The following CTNNA2 variants were observed in gnomAD, a reference collection of about 807,000 sequenced individuals.
CTNNA2 encodes catenin alpha 2, also known as catenin alpha-2.
In CTNNA2, 42 loss-of-function variants were observed where a neutral mutation model predicts 101.0. The observed-to-expected ratio is 0.42, with a 90% confidence interval of 0.32 to 0.54. The LOEUF (loss-of-function observed/expected upper bound fraction) is 0.54. CTNNA2 is among the 20% of genes least tolerant of loss of function. CTNNA2 has a pLI of 0.14. For missense variants in CTNNA2, 871 were observed against 1,223.1 expected, an observed-to-expected ratio of 0.71 and a Z score of 4.29; for synonymous variants, 450 against 456.4, an observed-to-expected ratio of 0.99 and a Z score of 0.18.
chr2:80,076,890 C>T (rs1205273016), intron 7 of CTNNA2, among the ~76,000 whole-genome samples: 1 of 145,026 alleles, frequency 6.9e-6, no homozygotes, highest in African/African-American at 2.5e-5. Flanking sequence ...CTAAAAAATA[C>T]AAAAAAAAAA....
intron 7 of CTNNA2, among the ~76,000 whole-genome samples, chr2:80,006,017 C>T (rs545816523): frequency 1.3e-5 from 2 of 152,038 alleles, no homozygotes; most frequent in South Asian, 2.1e-4. Flanking sequence ...TTTCCATAAT[C>T]CATTGCTATT....
rs1010010837 is a variant in CTNNA2, at chr2:79,473,630, A to G, written c.-134-31424A>G. Reference sequence around the variant, plus strand: ...TTAATGTAATGAAAGGAAAAAGTCAATCAAGGATTCTATATCTAGCAAATA... The same window carrying G: ...TTAATGTAATGAAAGGAAAAAGTCAGTCAAGGATTCTATATCTAGCAAATA... On this transcript the variant is annotated intron_variant, in intron 4 of 21. Coordinates refer to the CTNNA2 transcript ENST00000466387. 4.6e-5 allele frequency among the ~76,000 whole-genome samples: 7 copies of G among 152,220 alleles called. No homozygotes were observed. In the South Asian group the frequency reaches 1.2e-3, roughly 27 times the overall value.
intron 7 of CTNNA2, among the ~76,000 whole-genome samples, chr2:80,206,147 T>G (rs897483060): frequency 6.6e-6 from 1 of 152,216 alleles, no homozygotes; most frequent in African/African-American, 2.4e-5. Context: ...GGAAATCTAT[T>G]ATTATTTTTG....
chr2:79,826,639 T>A (rs565754022), intron 3 of CTNNA2, among the ~76,000 whole-genome samples: 1 of 152,218 alleles, frequency 6.6e-6, no homozygotes, highest in Non-Finnish European at 1.5e-5. Flanking sequence ...AAAATGTATG[T>A]ATGTTTGCAT....
chr2:79,946,046 C>G (rs1026157510), intron 7 of CTNNA2, among the ~76,000 whole-genome samples: 2 of 152,076 alleles, frequency 1.3e-5, no homozygotes, highest in East Asian at 3.9e-4. Flanking sequence ...AAAGAATATT[C>G]TAGGCAGAAG....
At chr2:80,521,355 A>G (rs1397617408) in intron 9 of CTNNA2, among the ~76,000 whole-genome samples, 1 of 152,174 alleles carries the variant, frequency 6.6e-6, no homozygotes, top group Admixed American at 6.5e-5. Flanking sequence ...TAACTCTTAC[A>G]TGGAACTCTA....
chr2:79,323,679 C>G (rs1032871650), intron 3 of CTNNA2, among the ~76,000 whole-genome samples: 1 of 152,130 alleles, frequency 6.6e-6, no homozygotes, highest in Admixed American at 6.6e-5. Flanking sequence ...TGGTTCTTCC[C>G]TTTTTAGTGA....
chr2:79,795,687 A>G (rs948260855), intron 3 of CTNNA2, among the ~76,000 whole-genome samples: 1 of 152,202 alleles, frequency 6.6e-6, no homozygotes, highest in Non-Finnish European at 1.5e-5. Context: ...TTAAGAATAT[A>G]GTGAATTTAA....
At chr2:80,624,465 T>C (rs1019873890) in intron 18 of CTNNA2, among the ~76,000 whole-genome samples, 17 of 151,954 alleles carry the variant, frequency 1.1e-4, no homozygotes, top group Non-Finnish European at 2.4e-4. Context: ...GTTAGAGAAG[T>C]GGTAAAAGAC....
intron 7 of CTNNA2, among the ~76,000 whole-genome samples, chr2:80,336,328 A>G (rs1026430871): frequency 4.6e-5 from 7 of 152,138 alleles, no homozygotes; most frequent in African/African-American, 1.7e-4. Context: ...CTCATCTCCA[A>G]GTACCCTCAC....
chr2:80,569,935 C>A (rs572987625), intron 12 of CTNNA2, among the ~76,000 whole-genome samples: 11 of 152,122 alleles, frequency 7.2e-5, no homozygotes, highest in African/African-American at 2.6e-4. Flanking sequence ...AGCCAAGGCG[C>A]CTGGCCTAGA....
intron 4 of CTNNA2, among the ~76,000 whole-genome samples, chr2:79,461,508 C>G (rs1157331372): frequency 2.0e-5 from 3 of 152,026 alleles, no homozygotes; most frequent in Non-Finnish European, 2.9e-5. Context: ...TTTGGGAGTC[C>G]TTGAAGAAGC....
At chr2:80,170,231 C>CTG (rs367680219) in intron 7 of CTNNA2, among the ~76,000 whole-genome samples, 12 of 147,466 alleles carry the variant, frequency 8.1e-5, no homozygotes, top group Admixed American at 1.3e-4. Flanking sequence ...CTCTCTCTCT[C>CTG]TGTGTGTGTG....
At chr2:80,183,939 A>G (rs1238775004) in intron 7 of CTNNA2, among the ~76,000 whole-genome samples, 1 of 151,504 alleles carries the variant, frequency 6.6e-6, no homozygotes, top group African/African-American at 2.4e-5. Flanking sequence ...CTTTGGGGAG[A>G]TCTTAAATCA....
intron 7 of CTNNA2, among the ~76,000 whole-genome samples, chr2:80,281,238 G>A (rs1261172670): frequency 2.0e-5 from 3 of 152,208 alleles, no homozygotes; most frequent in Non-Finnish European, 2.9e-5. Flanking sequence ...TCAAGGCTCA[G>A]GCCAGGGTTA....
At chr2:80,546,546 G>A (rs550057652) in intron 11 of CTNNA2, among the ~76,000 whole-genome samples, 11 of 152,286 alleles carry the variant, frequency 7.2e-5, no homozygotes, top group Non-Finnish European at 1.5e-4. Flanking sequence ...CCCTTAGCAG[G>A]GACTTGGTAG....
chr2:79,431,138 G>A lies in CTNNA2; in HGVS notation c.-135+57125G>A, dbSNP rs562518244. ...AGCCTCTTTAAAGCTGGACTTTGAG[G>A]AGTTCAGATGACCAGGTATACACTC... On this transcript the variant is annotated intron_variant, in intron 4 of 21. Transcript: ENST00000466387. Among the ~76,000 whole-genome samples, 4 of 152,146 alleles carry A rather than the reference G, an allele frequency of 2.6e-5. No individual in the cohort carries two copies. The South Asian group carries it at 8.3e-4, about 32-fold the overall frequency.
At chr2:80,155,714 T>A (rs1703966730) in intron 7 of CTNNA2, among the ~76,000 whole-genome samples, 1 of 152,210 alleles carries the variant, frequency 6.6e-6, no homozygotes. Context: ...TGTATCTTTT[T>A]CATCTACTCT....
intron 7 of CTNNA2, among the ~76,000 whole-genome samples, chr2:80,338,909 G>A (rs190902636): frequency 2.0e-5 from 3 of 152,320 alleles, no homozygotes; most frequent in Admixed American, 6.5e-5. Flanking sequence ...ATTTAAAAAT[G>A]AAACAGCACA....
Sources: allele counts gnomAD v4.1 joint callset (sites outside exome capture counted in the v4.1 genomes callset), GRCh38; gene constraint gnomAD v4.1.1; transcripts MANE v1.5; gene names NCBI Gene and HGNC (gene_info 2026-07-23, HGNC 2026-07-21).